NAP1L5: variants seen among roughly 807,000 people sequenced by gnomAD.
NAP1L5 encodes nucleosome assembly protein 1 like 5, also known as nucleosome assembly protein 1-like 5.
For synonymous variants in NAP1L5, 125 were observed against 103.6 expected (o/e 1.21, Z -1.25); for missense variants, 249 against 246.4 (o/e 1.01, Z -0.07).
Position 88,697,755 on chromosome 4 carries a change from G to A in NAP1L5, c.-1C>T, listed in dbSNP as rs776447153. ...GCCCCTGGTTTTCCGAGTCGGCCAT[G>A]TTAGAGGAGAAGCCGCAGAGGTCTA... is the stretch of plus-strand genomic sequence containing the variant. On this transcript the variant is annotated 5_prime_UTR_variant, in exon 1 of 1. Coordinates refer to ENST00000323061, the MANE Select transcript of NAP1L5 (RefSeq NM_153757.4). 5.0e-6 allele frequency: 8 copies of A among 1,604,578 alleles called. 1 individual carries two copies. The South Asian group carries it at 8.9e-5, about 18-fold the overall frequency.
rs1317435099 is a variant in NAP1L5, at chr4:88,696,998, ATTTATT to A, written c.*202_*207del. 2 of 471,580 alleles carry A rather than the reference ATTTATT, an allele frequency of 4.2e-6. No individual in the cohort carries two copies. Among genetic ancestry groups the A allele is most frequent in the Non-Finnish European group, 7.4e-6 (2 of 271,894 alleles). The allele number at this position is 471,580 out of a possible 1,614,324, so 29.2% of individuals were successfully genotyped here. A position where few individuals can be genotyped will look rare whatever the true frequency, so the allele number is the denominator to read the frequency against. On this transcript the variant is annotated 3_prime_UTR_variant, in exon 1 of 1. Transcript: ENST00000323061. ...AGTTTTCTTTAACACCTTTTGATAT[ATTTATT>A]ATGTTCAAAATGAAAGTCAAATTTG...
rs1266054252 is a variant in NAP1L5 at position 88,697,398 on chromosome 4, C to G, written c.357G>C (p.Lys119Asn). The G allele has an allele frequency of 1.2e-6, 2 of 1,613,988 alleles. No individual in the cohort carries two copies. The highest frequency in any genetic ancestry group is 2.7e-5 in the African/African-American group (2 of 74,908). ...YNDIYKPLLA[K>N]IQELTGEMEG... Reference sequence around the variant, plus strand: ...CCATCTCGCCGGTGAGCTCTTGGATCTTGGCGAGTAGGGGCTTATAGATGT... The same window carrying G: ...CCATCTCGCCGGTGAGCTCTTGGATGTTGGCGAGTAGGGGCTTATAGATGT... Residue 119 changes from lysine (K) to asparagine (N), a missense_variant, in exon 1 of 1, where the codon AAG (lysine) becomes AAC (asparagine). Transcript: ENST00000323061.
In NAP1L5 at chr4:88,696,780, G is replaced by A. The variant is rs28435799; in HGVS notation, c.*426C>T. ...TTCTGCCTTCTCTGCACTGCGAAAT[G>A]TCATGAGTAAAGAAATTTAAGAATT... On this transcript the variant is annotated 3_prime_UTR_variant, in exon 1 of 1. Coordinates refer to ENST00000323061, the MANE Select transcript of NAP1L5 (RefSeq NM_153757.4). 11,482 of 160,448 alleles carry A rather than the reference G, an allele frequency of 0.072. 487 individuals are homozygous for A. The highest frequency in any genetic ancestry group is 0.082 in the African/African-American group (3,425 of 41,860). 9.9% of individuals were successfully genotyped at this position (160,448 alleles called of 1,614,324 possible).
Position 88,697,808 on chromosome 4 carries a change from C to G in NAP1L5, c.-54G>C. The G allele has an allele frequency of 1.3e-6, 2 of 1,528,028 alleles. No individual in the cohort carries two copies. The highest frequency in any genetic ancestry group is 1.8e-6 in the Non-Finnish European group (2 of 1,139,866). The allele number at this position is 1,528,028 out of a possible 1,614,324, so 94.7% of individuals were successfully genotyped here. A position where few individuals can be genotyped will look rare whatever the true frequency, so the allele number is the denominator to read the frequency against. ...AGGGCTCCCGCAGAGGCCCTGCACC[C>G]GAGCTGGTCCAGAGAGATCTTGCGG... On this transcript the variant is annotated 5_prime_UTR_variant, in exon 1 of 1. Coordinates refer to ENST00000323061, the MANE Select transcript of NAP1L5 (RefSeq NM_153757.4).
chr4:88,697,424 CATT>C lies in NAP1L5; in HGVS notation c.328_330del (p.Asn110del). ...TTGGCGAGTAGGGGCTTATAGATGT[CATT>C]ATACTTTTTTTCCAGAGCCTGAAAT... On this transcript the variant is annotated inframe_deletion, in exon 1 of 1. Transcript: ENST00000323061. 6.2e-7 allele frequency: 1 copy of C among 1,614,086 alleles called. No homozygotes were observed. The highest frequency in any genetic ancestry group is 8.5e-7 in the Non-Finnish European group (1 of 1,180,030).
At position 88,697,702 on chromosome 4, in the gene NAP1L5, G is replaced by A. The variant is rs1288977916; in HGVS notation, c.53C>T (p.Ala18Val). 75 of 1,611,884 alleles carry A rather than the reference G, an allele frequency of 4.7e-5. No individual in the cohort carries two copies. The highest frequency in any genetic ancestry group is 6.2e-5 in the Non-Finnish European group (73 of 1,179,510). Reference protein sequence around the residue: ...GPAEPSQAAAAAEAAAEEVMA... With the variant: ...GPAEPSQAAAVAEAAAEEVMA... ...TACCTCCTCTGCCGCTGCCTCCGCCGCTGCCGCCGCCTGGCTAGGCTCCGC... is the reference window on the plus strand; with the variant it reads ...TACCTCCTCTGCCGCTGCCTCCGCCACTGCCGCCGCCTGGCTAGGCTCCGC... Residue 18 changes from alanine (A) to valine (V), a missense_variant, in exon 1 of 1, where the codon GCG (alanine) becomes GTG (valine). Coordinates refer to ENST00000323061, the MANE Select transcript of NAP1L5 (RefSeq NM_153757.4).
Position 88,696,508 on chromosome 4 carries a change from C to T in NAP1L5, c.*698G>A, listed in dbSNP as rs1734615733. On this transcript the variant is annotated 3_prime_UTR_variant, in exon 1 of 1. Transcript: ENST00000323061. ...AGAAAACACAAACATGAGATTGTAACTAATGAATACATATGTTGACAGTAT... is the reference window on the plus strand; with the variant it reads ...AGAAAACACAAACATGAGATTGTAATTAATGAATACATATGTTGACAGTAT... The T allele has an allele frequency of 6.7e-6, 1 of 149,164 alleles. No homozygotes were observed. The highest frequency in any genetic ancestry group is 6.9e-5 in the Admixed American group (1 of 14,580). The allele number at this position is 149,164 out of a possible 1,614,324, so 9.2% of individuals were successfully genotyped here. A position where few individuals can be genotyped will look rare whatever the true frequency, so the allele number is the denominator to read the frequency against.
rs1262332040 is a variant in NAP1L5, at chr4:88,697,804, C to T, written c.-50G>A. On this transcript the variant is annotated 5_prime_UTR_variant, in exon 1 of 1. Coordinates refer to ENST00000323061, the MANE Select transcript of NAP1L5 (RefSeq NM_153757.4). ...TAGGAGGGCTCCCGCAGAGGCCCTG[C>T]ACCCGAGCTGGTCCAGAGAGATCTT... The T allele has an allele frequency of 6.5e-7, 1 of 1,532,612 alleles. No individual in the cohort carries two copies. Among genetic ancestry groups the T allele is most frequent in the East Asian group, 2.3e-5 (1 of 44,150 alleles). 94.9% of individuals were successfully genotyped at this position (1,532,612 alleles called of 1,614,324 possible). A position where few individuals can be genotyped will look rare whatever the true frequency, so the allele number is the denominator to read the frequency against.
chr4:88,697,137 G>A lies in NAP1L5; in HGVS notation c.*69C>T. On this transcript the variant is annotated 3_prime_UTR_variant, in exon 1 of 1. Coordinates refer to ENST00000323061, the MANE Select transcript of NAP1L5 (RefSeq NM_153757.4). Reference sequence around the variant, plus strand: ...AAACCTGAGCCTTTTTAAGTCCATCGATATTCTGGGAAAAACAAAACCAGG... The same window carrying A: ...AAACCTGAGCCTTTTTAAGTCCATCAATATTCTGGGAAAAACAAAACCAGG... 3 of 1,408,682 alleles carry A rather than the reference G, an allele frequency of 2.1e-6. No homozygotes were observed. The highest frequency in any genetic ancestry group is 2.8e-6 in the Non-Finnish European group (3 of 1,060,308). 87.3% of individuals were successfully genotyped at this position (1,408,682 alleles called of 1,614,324 possible). A position where few individuals can be genotyped will look rare whatever the true frequency, so the allele number is the denominator to read the frequency against.
chr4:88,697,240 G>A lies in NAP1L5; in HGVS notation c.515C>T (p.Ala172Val), dbSNP rs762174253. ...GGCGTCATCAGGCATCTCGGCGTGGGCATCGTCATGTTTGGCCCCCGCGGC... is the reference window on the plus strand; with the variant it reads ...GGCGTCATCAGGCATCTCGGCGTGGACATCGTCATGTTTGGCCCCCGCGGC... ...EAAAGAKHDD[A>V]HAEMPDDAKK Residue 172 changes from alanine to valine, a missense_variant, in exon 1 of 1, where the codon GCC becomes GTC. Transcript: ENST00000323061. 6.5e-7 allele frequency: 1 copy of A among 1,535,418 alleles called. No individual in the cohort carries two copies. Among genetic ancestry groups the A allele is most frequent in the East Asian group, 2.3e-5 (1 of 43,840 alleles).
chr4:88,695,947 C>T lies in NAP1L5; in HGVS notation c.*1259G>A, dbSNP rs769582310. ...TGAAAATACTGTTTTATTAACACCA[C>T]AGTGATAAACAACTTTAAGCTTATG... On this transcript the variant is annotated 3_prime_UTR_variant, in exon 1 of 1. Coordinates refer to ENST00000323061, the MANE Select transcript of NAP1L5 (RefSeq NM_153757.4). 2 of 152,602 alleles carry T rather than the reference C, an allele frequency of 1.3e-5. No homozygotes were observed. The highest frequency in any genetic ancestry group is 6.6e-5 in the Admixed American group (1 of 15,266). The allele number at this position is 152,602 out of a possible 1,614,324, so 9.5% of individuals were successfully genotyped here.
rs1734582847 is a variant in NAP1L5, at chr4:88,696,235, T to C, written c.*971A>G. ...CACACTTGGATTGGTTCTTCAAGTA[T>C]ATATTTTTTCCAAACATTAGCTTCA... On this transcript the variant is annotated 3_prime_UTR_variant, in exon 1 of 1. Transcript: ENST00000323061. 6.6e-6 allele frequency: 1 copy of C among 152,638 alleles called. No individual in the cohort carries two copies. Among genetic ancestry groups the C allele is most frequent in the African/African-American group, 2.4e-5 (1 of 41,436 alleles). The allele number at this position is 152,638 out of a possible 1,614,324, so 9.5% of individuals were successfully genotyped here.
rs1734655999 is a variant in NAP1L5, at chr4:88,696,906, C to T, written c.*300G>A. ...AGTGACGTTCTTTACTTCGCATCTG[C>T]TAACACCCTTTGTAAACCTCAATCC... On this transcript the variant is annotated 3_prime_UTR_variant, in exon 1 of 1. Transcript: ENST00000323061. 3.0e-6 allele frequency: 1 copy of T among 333,296 alleles called. No homozygotes were observed. The highest frequency in any genetic ancestry group is 2.1e-5 in the African/African-American group (1 of 47,052). The allele number at this position is 333,296 out of a possible 1,614,324, so 20.6% of individuals were successfully genotyped here.
rs1734566496 is a variant in NAP1L5 at position 88,696,028 on chromosome 4, G to A, written c.*1178C>T. ...TTCAAAACCCACACAGAAGCTAAGA[G>A]TCTTTACATTAAATATATTCTTCCT... On this transcript the variant is annotated 3_prime_UTR_variant, in exon 1 of 1. Coordinates refer to ENST00000323061, the MANE Select transcript of NAP1L5 (RefSeq NM_153757.4). 6.6e-6 allele frequency: 1 copy of A among 152,534 alleles called. No homozygotes were observed. Among genetic ancestry groups the A allele is most frequent in the Admixed American group, 6.5e-5 (1 of 15,270 alleles). The allele number at this position is 152,534 out of a possible 1,614,324, so 9.4% of individuals were successfully genotyped here.
Position 88,697,139 on chromosome 4 carries a change from T to G in NAP1L5, c.*67A>C. 1 of 1,423,280 alleles carries G rather than the reference T, an allele frequency of 7.0e-7. No individual in the cohort carries two copies. Among genetic ancestry groups the G allele is most frequent in the African/African-American group, 1.4e-5 (1 of 69,062 alleles). 88.2% of individuals were successfully genotyped at this position (1,423,280 alleles called of 1,614,324 possible). A position where few individuals can be genotyped will look rare whatever the true frequency, so the allele number is the denominator to read the frequency against. On this transcript the variant is annotated 3_prime_UTR_variant, in exon 1 of 1. Coordinates refer to ENST00000323061, the MANE Select transcript of NAP1L5 (RefSeq NM_153757.4). ...ACCTGAGCCTTTTTAAGTCCATCGA[T>G]ATTCTGGGAAAAACAAAACCAGGCT...
At position 88,697,185 on chromosome 4, in the gene NAP1L5, C is replaced by T; in HGVS notation, c.*21G>A. ...AGGCTTTTTTCTTCGTGGGCTTTCTCTTCATCCATCTCTGCCCCCCTTACT... is the reference window on the plus strand; with the variant it reads ...AGGCTTTTTTCTTCGTGGGCTTTCTTTTCATCCATCTCTGCCCCCCTTACT... On this transcript the variant is annotated 3_prime_UTR_variant, in exon 1 of 1. Transcript: ENST00000323061. The T allele has an allele frequency of 1.3e-6, 2 of 1,481,588 alleles. No homozygotes were observed. The highest frequency in any genetic ancestry group is 1.8e-6 in the Non-Finnish European group (2 of 1,117,146). The allele number at this position is 1,481,588 out of a possible 1,614,324, so 91.8% of individuals were successfully genotyped here.
chr4:88,697,285 T>TCCTCCTCCTCGTCATCCC lies in NAP1L5; in HGVS notation c.469_470insGGGATGACGAGGAGGAGG (p.Glu156_Glu157insGlyAspAspGluGluGlu), dbSNP rs1553945583. The stretch of plus-strand genomic sequence containing the variant: ...CGCGGCAGCCTCTGCCGCAGCCTCC[T>TCCTCCTCCTCGTCATCCC]CCTCCTCCTCGTCTTCCCCCTCCTC... On this transcript the variant is annotated inframe_insertion, in exon 1 of 1. Coordinates refer to ENST00000323061, the MANE Select transcript of NAP1L5 (RefSeq NM_153757.4). 1.2e-5 allele frequency: 19 copies of TCCTCCTCCTCGTCATCCC among 1,603,648 alleles called. No homozygotes were observed. Among genetic ancestry groups the TCCTCCTCCTCGTCATCCC allele is most frequent in the Non-Finnish European group, 1.4e-5 (17 of 1,174,896 alleles).
In NAP1L5 at chr4:88,697,442, G is replaced by A. The variant is rs1397160916; in HGVS notation, c.313C>T (p.Leu105=). ...TAGATGTCATTATACTTTTTTTCCA[G>A]AGCCTGAAATTCCTTATCAAATTTG... The part of the protein sequence containing the change: ...EAKFDKEFQA[L]EKKYNDIYKP... Residue 105 remains leucine (L), a synonymous_variant, in exon 1 of 1, where the codon CTG becomes TTG. Coordinates refer to ENST00000323061, the MANE Select transcript of NAP1L5 (RefSeq NM_153757.4). The A allele has an allele frequency of 6.2e-7, 1 of 1,614,064 alleles. No homozygotes were observed. The highest frequency in any genetic ancestry group is 1.7e-5 in the Admixed American group (1 of 60,026).
Position 88,696,236 on chromosome 4 carries a change from A to G in NAP1L5, c.*970T>C, listed in dbSNP as rs8605. On this transcript the variant is annotated 3_prime_UTR_variant, in exon 1 of 1. Transcript: ENST00000323061. ...ACACTTGGATTGGTTCTTCAAGTAT[A>G]TATTTTTTCCAAACATTAGCTTCAG... 34,984 of 152,518 alleles carry G rather than the reference A, an allele frequency of 0.23. 5,188 individuals carry two copies. Among genetic ancestry groups the G allele is most frequent in the South Asian group, 0.44 (2,136 of 4,810 alleles). The allele number at this position is 152,518 out of a possible 1,614,324, so 9.4% of individuals were successfully genotyped here. A position where few individuals can be genotyped will look rare whatever the true frequency, so the allele number is the denominator to read the frequency against.
Sources: gnomAD v4.1 joint callset for allele counts on GRCh38, gnomAD v4.1.1 for gene constraint, MANE v1.5 for transcripts, NCBI Gene and HGNC (gene_info 2026-07-23, HGNC 2026-07-21) for gene names.